STK3: variants seen among roughly 807,000 people sequenced by gnomAD.
STK3 encodes the protein serine/threonine-protein kinase 3.
Under a neutral mutation model 58.0 loss-of-function variants are expected in STK3, and 41 were observed. That is an observed-to-expected ratio of 0.71 (90% confidence interval 0.55 to 0.92). STK3 has a LOEUF of 0.92. STK3 is among the 40% of genes least tolerant of loss of function. STK3 has a pLI of 0.00. For synonymous variants in STK3, 170 were observed against 191.0 expected (o/e 0.89, Z 0.91); for missense variants, 479 against 602.7 (o/e 0.79, Z 2.15).
Position 98,744,862 on chromosome 8 carries a change from G to A in STK3, c.351+4414C>T, listed in dbSNP as rs184476920. ...ACAGGCTTATAAGCCAGTTAAAAAGGGATAGAAAATTGTGTTAGGACAATT... is the reference window on the plus strand; with the variant it reads ...ACAGGCTTATAAGCCAGTTAAAAAGAGATAGAAAATTGTGTTAGGACAATT... On this transcript the variant is annotated intron_variant, in intron 4 of 10. Transcript: ENST00000419617. Among the ~76,000 whole-genome samples, 84 of 151,622 alleles carry A rather than the reference G, an allele frequency of 5.5e-4. 1 individual carries two copies. Among genetic ancestry groups the A allele is most frequent in the African/African-American group, 1.7e-3 (71 of 41,336 alleles).
At chr8:98,422,392 C>A (rs1240398614) in intron 3 of STK3, among the ~76,000 whole-genome samples, 1 of 152,140 alleles carries the variant, frequency 6.6e-6, no homozygotes, top group Non-Finnish European at 1.5e-5. Flanking sequence ...CCTCCCTCAT[C>A]TCCAGGCCTG....
intron 6 of STK3, among the ~76,000 whole-genome samples, chr8:98,697,127 T>C (rs1170070298): frequency 6.6e-6 from 1 of 152,254 alleles, no homozygotes; most frequent in East Asian, 1.9e-4. Context: ...TCTTCTAGAT[T>C]TTCTAGTTTA....
chr8:98,910,870 G>T (rs1239355609), intron 1 of STK3, among the ~76,000 whole-genome samples: 1 of 152,178 alleles, frequency 6.6e-6, no homozygotes, highest in African/African-American at 2.4e-5. Flanking sequence ...AAAACTGACT[G>T]GGCAGAGAGA....
At chr8:98,684,064 G>A (rs1473171856) in intron 6 of STK3, among the ~76,000 whole-genome samples, 1 of 152,100 alleles carries the variant, frequency 6.6e-6, no homozygotes, top group East Asian at 1.9e-4. Flanking sequence ...CCCAGAAACA[G>A]CTCATTCTAC....
At position 98,662,723 on chromosome 8, in the gene STK3, G is replaced by A. The variant is rs568575096; in HGVS notation, c.684+43744C>T. Among the ~76,000 whole-genome samples, 16 of 150,574 alleles carry A rather than the reference G, an allele frequency of 1.1e-4. 1 individual carries two copies. Among genetic ancestry groups the A allele is most frequent in the African/African-American group, 3.4e-4 (14 of 40,906 alleles). ...AAGTTTTAGGGTACATGTGCACAAC[G>A]TGCAGGTTTGTTACATATGTATACA... is the stretch of plus-strand genomic sequence containing the variant. On this transcript the variant is annotated intron_variant, in intron 6 of 10. Transcript: ENST00000419617.
At chr8:98,425,070 G>A (rs1223763755) in intron 3 of STK3, among the ~76,000 whole-genome samples, 2 of 152,208 alleles carry the variant, frequency 1.3e-5, no homozygotes, top group African/African-American at 4.8e-5. Flanking sequence ...GGGTGAAAGA[G>A]GCACTGACAC....
intron 8 of STK3, among the ~76,000 whole-genome samples, chr8:98,577,960 T>A (rs566665524): frequency 6.6e-6 from 1 of 151,148 alleles, no homozygotes; most frequent in South Asian, 2.1e-4. Flanking sequence ...AAAAAAAAAA[T>A]TAAAAATCTG....
chr8:98,362,696 C>T, the STK3 span, among the ~76,000 whole-genome samples: 1 of 152,144 alleles, frequency 6.6e-6, no homozygotes, highest in Non-Finnish European at 1.5e-5. Context: ...ATTCCTGCAG[C>T]ACAGGCTTAG....
intron 2 of STK3, among the ~76,000 whole-genome samples, chr8:98,374,256 T>C: frequency 6.6e-6 from 1 of 152,166 alleles, no homozygotes; most frequent in East Asian, 1.9e-4. Context: ...CTGTCTGGTC[T>C]GAACAACTGA....
At chr8:98,537,355 G>C (rs1018419051) in intron 9 of STK3, among the ~76,000 whole-genome samples, 1 of 152,128 alleles carries the variant, frequency 6.6e-6, no homozygotes, top group African/African-American at 2.4e-5. Flanking sequence ...AAAGTTAATG[G>C]GAGGGGGCAG....
chr8:98,740,352 G>A lies in STK3; in HGVS notation c.351+8924C>T, dbSNP rs564775563. Among the ~76,000 whole-genome samples the A allele has an allele frequency of 4.6e-5, 7 of 152,174 alleles. No homozygotes were observed. The South Asian group carries it at 8.3e-4, about 18-fold the overall frequency. On this transcript the variant is annotated intron_variant, in intron 4 of 10. Transcript: ENST00000419617. ...TTAAGGGCAGCCAGAGAGAAAGGTCGGGTTACCCACAAAGGGAAGCCCATC... is the reference window on the plus strand; with the variant it reads ...TTAAGGGCAGCCAGAGAGAAAGGTCAGGTTACCCACAAAGGGAAGCCCATC...
rs1835774550 is a variant in STK3 at position 98,837,107 on chromosome 8, C to A, written c.110+46540G>T. Among the ~76,000 whole-genome samples, 2 of 151,836 alleles carry A rather than the reference C, an allele frequency of 1.3e-5. 1 individual carries two copies. The highest frequency in any genetic ancestry group is 4.1e-4 in the South Asian group (2 of 4,822). On this transcript the variant is annotated intron_variant, in intron 3 of 12. Coordinates refer to the STK3 transcript ENST00000523601. The stretch of plus-strand genomic sequence containing the variant: ...GACCCCTTGAAATGGTCTCAGATAC[C>A]CCCGGAGGTACCTGGATCACACTTT...
intron 1 of STK3, among the ~76,000 whole-genome samples, chr8:98,909,074 T>A (rs1839033987): frequency 6.6e-6 from 1 of 152,032 alleles, no homozygotes; most frequent in Non-Finnish European, 1.5e-5. Flanking sequence ...GGCAGGAGAA[T>A]TGCTTGAACC....
intron 1 of STK3, among the ~76,000 whole-genome samples, chr8:98,894,276 A>G (rs1459832270): frequency 6.6e-6 from 1 of 152,184 alleles, no homozygotes; most frequent in Non-Finnish European, 1.5e-5. Flanking sequence ...TCTGTAGGAC[A>G]TTTTCCTTTG....
At chr8:98,886,694 T>C (rs1838003591) in intron 1 of STK3, among the ~76,000 whole-genome samples, 1 of 152,212 alleles carries the variant, frequency 6.6e-6, no homozygotes. Flanking sequence ...TTTCTCATTA[T>C]CCATAGGAGA....
At chr8:98,420,670 C>T (rs889115600) in intron 3 of STK3, among the ~76,000 whole-genome samples, 1 of 152,078 alleles carries the variant, frequency 6.6e-6, no homozygotes, top group Non-Finnish European at 1.5e-5. Flanking sequence ...ATTTGGATAC[C>T]ACAGAGACAT....
intron 6 of STK3, chr8:98,597,411 C>A: frequency 1.0e-6 from 1 of 985,078 alleles, no homozygotes; most frequent in Non-Finnish European, 1.2e-6. Flanking sequence ...TACCTCACGT[C>A]ATGTTATACA....
chr8:98,424,827 G>C (rs1387052601), intron 3 of STK3, among the ~76,000 whole-genome samples: 1 of 152,358 alleles, frequency 6.6e-6, no homozygotes, highest in African/African-American at 2.4e-5. Context: ...AAGGCCAAGG[G>C]AATGGGAGCG....
intron 6 of STK3, among the ~76,000 whole-genome samples, chr8:98,627,520 G>C (rs981464740): frequency 3.3e-5 from 5 of 150,712 alleles, no homozygotes; most frequent in Non-Finnish European, 7.4e-5. Flanking sequence ...AAAAGGTCTG[G>C]TTATTTAAAA....
Sources: gnomAD v4.1 joint callset for allele counts (sites outside exome capture counted in the v4.1 genomes callset) on GRCh38, gnomAD v4.1.1 for gene constraint, MANE v1.5 for transcripts, NCBI Gene and HGNC (gene_info 2026-07-23, HGNC 2026-07-21) for gene names.